TTN: variants seen among roughly 807,000 people sequenced by gnomAD.
TTN encodes the protein titin, also known as connectin.
A neutral mutation model predicts 3,223.0 loss-of-function variants in TTN; 1,525 were observed. The observed-to-expected ratio is 0.47, with a 90% CI of 0.45 to 0.49. The LOEUF is 0.49. Ranked by LOEUF, TTN falls within the 20% of genes least tolerant of loss-of-function variation. The pLI, the probability that TTN is intolerant of heterozygous loss-of-function variation, is 0.00. For synonymous variants in TTN, 14,094 were observed against 15,161.0 expected (o/e 0.93, Z 5.17); for missense variants, 40,786 against 43,424.0 (o/e 0.94, Z 5.40).
Position 178,714,479 on chromosome 2 carries a change from A to T in TTN, c.26295T>A (p.Ile8765=), listed in dbSNP as rs1345808228. 6.2e-7 allele frequency: 1 copy of T among 1,613,446 alleles called. No individual in the cohort carries two copies. Among genetic ancestry groups the T allele is most frequent in the Non-Finnish European group, 8.5e-7 (1 of 1,179,678 alleles). Residue 8765 remains isoleucine (I), a synonymous_variant, in exon 91 of 363, where the codon ATT becomes ATA. Transcript: ENST00000589042. ...LQTTIEGAEP[I]SVVWFKDKGE... The stretch of plus-strand genomic sequence containing the variant: ...CCTTATCTTTGAACCACACCACTGA[A>T]ATGGGTTCAGCGCCTTCAATGGTAG...
At position 178,557,933 on chromosome 2, in the gene TTN, G is replaced by C; in HGVS notation, c.87421C>G (p.Pro29141Ala). 1 of 1,613,200 alleles carries C rather than the reference G, an allele frequency of 6.2e-7. No individual in the cohort carries two copies. Among genetic ancestry groups the C allele is most frequent in the South Asian group, 1.1e-5 (1 of 91,088 alleles). ...NIVVLDRPGP[P>A]TGPVVISDIT... Reference sequence around the variant, plus strand: ...TCACTAATAACAACAGGGCCAGTTGGAGGACCAGGCCTGTCTAGCACAACA... The same window carrying C: ...TCACTAATAACAACAGGGCCAGTTGCAGGACCAGGCCTGTCTAGCACAACA... Residue 29141 changes from proline to alanine, a missense_variant, in exon 328 of 363, where the codon CCA (proline) becomes GCA (alanine). Physicochemically the swap from Pro to Ala is conservative, Grantham distance 27. Coordinates refer to ENST00000589042, the MANE Select transcript of TTN (RefSeq NM_001267550.2).
chr2:178,558,951 C>A, intron 326 of TTN: 1 of 391,986 alleles, frequency 2.6e-6, no homozygotes, highest in South Asian at 3.0e-5. Flanking sequence ...ACTTTATATA[C>A]AATTTCTGTA....
Position 178,553,095 on chromosome 2 carries a change from A to G in TTN, c.89805T>C (p.Ala29935=), listed in dbSNP as rs754553020. Residue 29935 remains alanine, a synonymous_variant, in exon 335 of 363, where the codon GCT becomes GCC. Transcript: ENST00000589042. ...GTTTAACCTGTAGTTTCTGGCAGGC[A>G]GCTGGTGTGTCAAGCACTTTAACAC... The part of the protein sequence containing the change: ...TVSVKVLDTP[A]ACQKLQVKHV... 3 of 1,611,486 alleles carry G rather than the reference A, an allele frequency of 1.9e-6. No homozygotes were observed. Among genetic ancestry groups the G allele is most frequent in the South Asian group, 2.2e-5 (2 of 90,970 alleles).
chr2:178,608,826 A>C lies in TTN; in HGVS notation c.52185T>G (p.Asp17395Glu), dbSNP rs1479797110. 3.7e-6 allele frequency: 6 copies of C among 1,612,524 alleles called. No homozygotes were observed. The African/African-American group carries it at 4.0e-5, about 11-fold the overall frequency. Residue 17395 changes from aspartate to glutamate, a missense_variant, in exon 274 of 363, where the codon GAT (aspartate) becomes GAG (glutamate). Transcript: ENST00000589042. The stretch of plus-strand genomic sequence containing the variant: ...AGTTTATGATTTCACTGCCACCATC[A>C]TCAAGGGGTGGTTCCCATTTACAAA... ...SVLCKWEPPL[D>E]DGGSEIINYT...
chr2:178,561,271 G>A lies in TTN; in HGVS notation c.84861C>T (p.Tyr28287=). 6.2e-7 allele frequency: 1 copy of A among 1,613,772 alleles called. No individual in the cohort carries two copies. The highest frequency in any genetic ancestry group is 8.5e-7 in the Non-Finnish European group (1 of 1,179,810). Residue 28287 remains tyrosine (Y), a synonymous_variant, in exon 326 of 363, where the codon TAC becomes TAT. Transcript: ENST00000589042. The part of the protein sequence containing the change: ...HYDGGAKITG[Y]IVERRELPDG... The stretch of plus-strand genomic sequence containing the variant: ...CTGGTAGTTCTCTGCGTTCAACAAT[G>A]TATCCTGTGATCTTAGCTCCACCAT...
In TTN at chr2:178,630,333, G is replaced by A; in HGVS notation, c.44189C>T (p.Ser14730Phe). ...CAGGCGACAGTTGTGCAAAACAAGG[G>A]AGTGTATTTTGCCTTCTTCCTTAAT... Reference protein sequence around the residue: ...CEIKEEGKIHSLVLHNCRLDQ... With the variant: ...CEIKEEGKIHFLVLHNCRLDQ... Residue 14730 changes from serine to phenylalanine, a missense_variant, in exon 239 of 363, where the codon TCC becomes TTC. By Grantham distance (155) the Ser-to-Phe change is radical (BLOSUM62 -2). Coordinates refer to ENST00000589042, the MANE Select transcript of TTN (RefSeq NM_001267550.2). The A allele has an allele frequency of 6.2e-7, 1 of 1,611,872 alleles. No individual in the cohort carries two copies. Among genetic ancestry groups the A allele is most frequent in the Non-Finnish European group, 8.5e-7 (1 of 1,179,174 alleles).
chr2:178,639,259 C>T (rs2060913055), intron 223 of TTN, among the ~76,000 whole-genome samples: 1 of 152,002 alleles, frequency 6.6e-6, no homozygotes, highest in Non-Finnish European at 1.5e-5. Context: ...GTACAACCAT[C>T]AACACTATCC....
At position 178,582,352 on chromosome 2, in the gene TTN, T is replaced by C; in HGVS notation, c.66104A>G (p.Lys22035Arg). The change falls in exon 314 of 363, where the codon AAA (lysine) becomes AGA (arginine). Residue 22035 changes from lysine (K) to arginine (R), a missense_variant. Lys to Arg is a conservative substitution (Grantham distance 26). Transcript: ENST00000589042. Reference protein sequence around the residue: ...EYQFRICAENKYGVGDPVFTE... With the variant: ...EYQFRICAENRYGVGDPVFTE... ...GAAGACTGGATCGCCTACTCCATAT[T>C]TATTTTCAGCACAAATACGGAACTG... The C allele has an allele frequency of 6.2e-7, 1 of 1,609,740 alleles. No individual in the cohort carries two copies. Among genetic ancestry groups the C allele is most frequent in the Non-Finnish European group, 8.5e-7 (1 of 1,177,450 alleles).
intron 261 of TTN, 45 bp downstream of exon 261, chr2:178,614,421 A>G: frequency 6.3e-7 from 1 of 1,579,294 alleles, no homozygotes; most frequent in Non-Finnish European, 8.6e-7. Flanking sequence ...TCAAGAAAGT[A>G]ACTGCAAAGA....
rs910283551 is a variant in TTN at position 178,557,804 on chromosome 2, C to T, written c.87550G>A (p.Val29184Met). Residue 29184 changes from valine to methionine, a missense_variant, in exon 328 of 363, where the codon GTG (valine) becomes ATG (methionine). Val to Met is a conservative substitution (Grantham distance 21). Transcript: ENST00000589042. The stretch of plus-strand genomic sequence containing the variant: ...ACTGTTGCAGACACTTCAGTCCACA[C>T]TGCAGTACTTGTTTCTCTTTTGAGT... Reference protein sequence around the residue: ...ILLKRETSTAVWTEVSATVAR... With the variant: ...ILLKRETSTAMWTEVSATVAR... 19 of 1,613,852 alleles carry T rather than the reference C, an allele frequency of 1.2e-5. No homozygotes were observed. The highest frequency in any genetic ancestry group is 1.5e-5 in the Non-Finnish European group (18 of 1,179,862).
chr2:178,701,126 T>C lies in TTN; in HGVS notation c.30676A>G (p.Ile10226Val). The change falls in exon 111 of 363, where the codon ATT becomes GTT. Residue 10226 changes from isoleucine to valine, a missense_variant. By Grantham distance (29) the Ile-to-Val change is conservative. Transcript: ENST00000589042. ...GGTAGATGAGGTATAATACCTTCAA[T>C]ACGTTTTGGTGGTGGTTTCTTTTCT... ...PEEKKPPPKR[I>V]EVTKKAVKKD... The C allele has an allele frequency of 6.2e-7, 1 of 1,613,696 alleles. No homozygotes were observed. Among genetic ancestry groups the C allele is most frequent in the Non-Finnish European group, 8.5e-7 (1 of 1,179,670 alleles).
chr2:178,723,115 C>A lies in TTN; in HGVS notation c.21892G>T (p.Gly7298Trp). The change falls in exon 75 of 363, where the codon GGG becomes TGG. Residue 7298 changes from glycine to tryptophan, a missense_variant. Gly to Trp is a radical substitution (Grantham distance 184). Coordinates refer to ENST00000589042, the MANE Select transcript of TTN (RefSeq NM_001267550.2). ...TTTTCAATCTCGCAGGAATACTGCC[C>A]TGCATCTCTTTTTGTGCTATTCAGA... ...EILNSTKRDA[G>W]QYSCEIENEA... The A allele has an allele frequency of 6.2e-7, 1 of 1,613,626 alleles. No individual in the cohort carries two copies. Among genetic ancestry groups the A allele is most frequent in the Non-Finnish European group, 8.5e-7 (1 of 1,179,686 alleles).
chr2:178,729,096 G>A lies in TTN; in HGVS notation c.18942C>T (p.Thr6314=), dbSNP rs572285982. 8.7e-5 allele frequency: 141 copies of A among 1,611,512 alleles called. No homozygotes were observed. In the South Asian group the frequency reaches 1.2e-3, roughly 14 times the overall value. The change falls in exon 65 of 363, where the codon ACC becomes ACT. Residue 6314 remains threonine, a synonymous_variant. Transcript: ENST00000589042. Reference sequence around the variant, plus strand: ...TAGAAATAGGAGGAGAACCTGCCACGGTACTCTGAAAGGTGGCAGAACTTT... The same window carrying A: ...TAGAAATAGGAGGAGAACCTGCCACAGTACTCTGAAAGGTGGCAGAACTTT... The part of the protein sequence containing the change: ...VLKSSATFQS[T]VAGSPPISIT...
intron 336 of TTN, 197 bp from the exon 337 acceptor site, chr2:178,550,470 C>A (rs1698955081): frequency 1.8e-6 from 1 of 540,624 alleles, no homozygotes; most frequent in Non-Finnish European, 3.2e-6. Context: ...TTATTATTCC[C>A]TTTGTAATGC....
At chr2:178,790,506 A>ATTATG (rs2093429486) in intron 11 of TTN, among the ~76,000 whole-genome samples, 1 of 152,234 alleles carries the variant, frequency 6.6e-6, no homozygotes, top group Non-Finnish European at 1.5e-5. Context: ...ATTATATTAT[A>ATTATG]TTAGTAACAA....
In TTN at chr2:178,756,745, C is replaced by T. The variant is rs1294291864; in HGVS notation, c.10731G>A (p.Lys3577=). 1.9e-6 allele frequency: 3 copies of T among 1,613,674 alleles called. No individual in the cohort carries two copies. The highest frequency in any genetic ancestry group is 2.2e-5 in the East Asian group (1 of 44,858). ...SSGKDVREST[K]SQAVADSSFT... ...AAGAGGAATCTGCCACTGCCTGGGACTTGGTGGACTCTCTTACATCTTTCC... is the reference window on the plus strand; with the variant it reads ...AAGAGGAATCTGCCACTGCCTGGGATTTGGTGGACTCTCTTACATCTTTCC... Residue 3577 remains lysine (K), a synonymous_variant, in exon 46 of 363, where the codon AAG becomes AAA. Transcript: ENST00000589042.
intron 236 of TTN, 142 bp downstream of exon 236, chr2:178,632,005 C>A: frequency 1.2e-6 from 1 of 844,406 alleles, no homozygotes; most frequent in Non-Finnish European, 1.7e-6. Context: ...AGAAATAAGC[C>A]TGATTACATA....
At chr2:178,600,440 T>TATATATATATATATAC (rs2053065069) in intron 288 of TTN, 1 of 155,720 alleles carries the variant, frequency 6.4e-6, no homozygotes, top group African/African-American at 2.7e-5. Context: ...TATATATATA[T>TATATATATATATATAC]ACTTCATTAA....
Position 178,567,752 on chromosome 2 carries a change from T to G in TTN, c.78380A>C (p.Lys26127Thr). The G allele has an allele frequency of 6.2e-7, 1 of 1,613,146 alleles. No homozygotes were observed. The highest frequency in any genetic ancestry group is 1.1e-5 in the South Asian group (1 of 91,054). The change falls in exon 326 of 363, where the codon AAA becomes ACA. Residue 26127 changes from lysine (K) to threonine (T), a missense_variant. Lys to Thr is a moderately conservative substitution (Grantham distance 78). Transcript: ENST00000589042. ...CCAACGACCATCAGGCAAATCACGT[T>G]TCTCTACAATGTAGCCTGTAATCAT... ...GSMITGYIVE[K>T]RDLPDGRWMK...
Sources: gnomAD v4.1 joint callset for allele counts (sites outside exome capture counted in the v4.1 genomes callset) on GRCh38, gnomAD v4.1.1 for gene constraint, MANE v1.5 for transcripts, NCBI Gene and HGNC (gene_info 2026-07-23, HGNC 2026-07-21) for gene names.